Variants in FHOD3 observed in about 807,000 individuals in gnomAD.
FHOD3 encodes formin homology 2 domain containing 3.
FHOD3 carries 90 observed loss-of-function variants against 173.0 expected under a neutral mutation model. That is an observed-to-expected ratio of 0.52 (90% CI 0.44 to 0.62). The LOEUF (loss-of-function observed/expected upper bound fraction) is 0.62. FHOD3 is among the 20% of genes least tolerant of loss of function. The probability of loss-of-function intolerance (pLI) is 0.00; values close to 1 mark genes in which losing one functional copy is unlikely to be tolerated. For missense variants in FHOD3, 1,945 were observed against 2,034.7 expected, an observed-to-expected ratio of 0.96 and a Z score of 0.85; for synonymous variants, 828 against 823.0, an observed-to-expected ratio of 1.01 and a Z score of -0.10.
At chr18:36,467,287 G>A (rs2053000116) in intron 3 of FHOD3, among the ~76,000 whole-genome samples, 1 of 152,138 alleles carries the variant, frequency 6.6e-6, no homozygotes, top group Non-Finnish European at 1.5e-5. Context: ...GCCCCTCCAT[G>A]GCATAATTTT....
intron 14 of FHOD3, among the ~76,000 whole-genome samples, chr18:36,668,603 A>G (rs925522067): frequency 6.6e-6 from 1 of 151,914 alleles, no homozygotes; most frequent in Non-Finnish European, 1.5e-5. Context: ...TATCTTTTCT[A>G]ATATAGGCAT....
chr18:36,373,512 T>A (rs1290442625), intron 3 of FHOD3, among the ~76,000 whole-genome samples: 1 of 152,168 alleles, frequency 6.6e-6, no homozygotes, highest in Non-Finnish European at 1.5e-5. Context: ...GCTTCCCTAT[T>A]GGAGACCCAG....
chr18:36,461,820 G>C (rs912014705), intron 3 of FHOD3, among the ~76,000 whole-genome samples: 1 of 152,314 alleles, frequency 6.6e-6, no homozygotes, highest in African/African-American at 2.4e-5. Flanking sequence ...AGCAAGGAAG[G>C]GGGTGATGTA....
chr18:36,662,312 AG>A (rs1452705947), intron 14 of FHOD3, among the ~76,000 whole-genome samples: 1 of 152,248 alleles, frequency 6.6e-6, no homozygotes, highest in South Asian at 2.1e-4. Context: ...GGGACTAGAG[AG>A]GCCACCTAGA....
At chr18:36,401,785 C>T (rs1209574532) in intron 3 of FHOD3, among the ~76,000 whole-genome samples, 2 of 152,192 alleles carry the variant, frequency 1.3e-5, no homozygotes, top group African/African-American at 4.8e-5. Flanking sequence ...CATGTTCTAT[C>T]CCTCACACGG....
chr18:36,692,868 T>C, intron 16 of FHOD3: 1 of 267,738 alleles, frequency 3.7e-6, no homozygotes, highest in Non-Finnish European at 7.2e-6. Context: ...TTTTCAGCCA[T>C]CACTCTTGAG....
intron 3 of FHOD3, among the ~76,000 whole-genome samples, chr18:36,450,487 A>ATTTATTTATTTATTTT (rs1555710146): frequency 2.0e-5 from 3 of 149,740 alleles, no homozygotes; most frequent in African/African-American, 7.4e-5. Flanking sequence ...TTATTTATTT[A>ATTTATTTATTTATTTT]ATTTTTAAAG....
At chr18:36,438,866 C>T (rs2050964931) in intron 3 of FHOD3, among the ~76,000 whole-genome samples, 1 of 152,224 alleles carries the variant, frequency 6.6e-6, no homozygotes, top group African/African-American at 2.4e-5. Flanking sequence ...GGACTGACAT[C>T]CGTGTGGCCT....
intron 3 of FHOD3, among the ~76,000 whole-genome samples, chr18:36,440,862 AT>A (rs1364832572): frequency 6.6e-6 from 1 of 151,522 alleles, no homozygotes; most frequent in African/African-American, 2.4e-5. Context: ...GCCCATCTCT[AT>A]TTTTTTTCCT....
intron 10 of FHOD3, among the ~76,000 whole-genome samples, chr18:36,633,460 C>A (rs1311865793): frequency 6.6e-6 from 1 of 152,174 alleles, no homozygotes; most frequent in Non-Finnish European, 1.5e-5. Context: ...CTAACACCAG[C>A]ATTTATGGAG....
intron 5 of FHOD3, among the ~76,000 whole-genome samples, chr18:36,561,505 C>T (rs1265628155): frequency 6.6e-6 from 1 of 152,134 alleles, no homozygotes; most frequent in African/African-American, 2.4e-5. Flanking sequence ...GGCTATTAGG[C>T]TGCTAGTTTT....
At chr18:36,742,888 C>T (rs1273091139) in intron 22 of FHOD3, 32 bp downstream of exon 22, 1 of 1,594,652 alleles carries the variant, frequency 6.3e-7, no homozygotes, top group African/African-American at 1.4e-5. Context: ...TCCTGTAGCC[C>T]CCCCTTGTCA....
chr18:36,398,801 C>T (rs2048670975), intron 3 of FHOD3, among the ~76,000 whole-genome samples: 1 of 152,094 alleles, frequency 6.6e-6, no homozygotes, highest in Non-Finnish European at 1.5e-5. Flanking sequence ...GATGCAGGTA[C>T]ATTGTATGTC....
chr18:36,386,452 G>A (rs1055657208), intron 3 of FHOD3, among the ~76,000 whole-genome samples: 2 of 152,194 alleles, frequency 1.3e-5, no homozygotes, highest in African/African-American at 2.4e-5. Context: ...GCAGAAAGCC[G>A]TAAAAACAAC....
At chr18:36,499,138 C>T (rs530005587) in intron 3 of FHOD3, among the ~76,000 whole-genome samples, 32 of 152,076 alleles carry the variant, frequency 2.1e-4, no homozygotes, top group Non-Finnish European at 4.0e-4. Flanking sequence ...GGTTCTTGCC[C>T]TATCACCTAG....
chr18:36,649,123 G>A (rs1447394630), intron 10 of FHOD3, among the ~76,000 whole-genome samples, 193 bp from the exon 11 acceptor site: 2 of 151,608 alleles, frequency 1.3e-5, no homozygotes, highest in African/African-American at 4.9e-5. Context: ...TTTCAGAACT[G>A]TCTCTTGTCT....
chr18:36,633,306 G>A (rs1357684049), intron 10 of FHOD3, among the ~76,000 whole-genome samples: 3 of 152,152 alleles, frequency 2.0e-5, no homozygotes, highest in Non-Finnish European at 4.4e-5. Context: ...TTAGGAGACC[G>A]CCTTTCACTG....
chr18:36,637,121 A>G (rs1599998647), intron 10 of FHOD3, among the ~76,000 whole-genome samples: 1 of 152,178 alleles, frequency 6.6e-6, no homozygotes, highest in Admixed American at 6.5e-5. Flanking sequence ...GAAGCCCCCA[A>G]TACTAGGTGT....
intron 3 of FHOD3, among the ~76,000 whole-genome samples, chr18:36,438,725 G>A (rs1334103858): frequency 1.3e-5 from 2 of 152,126 alleles, no homozygotes; most frequent in Admixed American, 6.5e-5. Flanking sequence ...GCCCTGCCTC[G>A]GCTCAGGCCC....
Sources: gnomAD v4.1 joint callset for allele counts (sites outside exome capture counted in the v4.1 genomes callset) on GRCh38, gnomAD v4.1.1 for gene constraint, MANE v1.5 for transcripts, NCBI Gene and HGNC (gene_info 2026-07-23, HGNC 2026-07-21) for gene names.